EDNRA: variants seen among roughly 807,000 people sequenced by gnomAD.
EDNRA encodes the protein endothelin receptor type A, also known as endothelin-1 receptor.
In EDNRA, 11 loss-of-function variants were observed where a neutral mutation model predicts 41.4. That is an observed-to-expected ratio of 0.27 (90% CI 0.17 to 0.44). The LOEUF (loss-of-function observed/expected upper bound fraction) is 0.44, where lower values mean the gene tolerates loss of function less well. EDNRA is among the 20% of genes least tolerant of loss of function. The pLI is 1.00. For missense variants in EDNRA, 294 were observed against 531.0 expected (o/e 0.55, Z 4.39); for synonymous variants, 172 against 183.0 (o/e 0.94, Z 0.49).
chr4:147,532,041 A>G (rs1730760473), intron 3 of EDNRA, among the ~76,000 whole-genome samples: 2 of 135,504 alleles, frequency 1.5e-5, no homozygotes, highest in Non-Finnish European at 3.2e-5. Context: ...GGCCAGGTGC[A>G]GTGGCTCACT....
intron 2 of EDNRA, among the ~76,000 whole-genome samples, chr4:147,508,390 C>T (rs1048839702): frequency 4.6e-5 from 7 of 152,170 alleles, no homozygotes; most frequent in Admixed American, 3.3e-4. Context: ...CCACCCACTT[C>T]GGCCTCCCAA....
intron 2 of EDNRA, chr4:147,494,000 ACT>A (rs1400980468): frequency 1.3e-5 from 2 of 152,100 alleles, no homozygotes; most frequent in African/African-American, 4.8e-5. Context: ...TTTTATTGAC[ACT>A]CTAACTTTTA....
chr4:147,522,921 C>T (rs573124145), intron 3 of EDNRA, among the ~76,000 whole-genome samples: 90 of 152,252 alleles, frequency 5.9e-4, no homozygotes, highest in Non-Finnish European at 7.3e-4. Flanking sequence ...AATCCATACA[C>T]GTAAGGTTTA....
chr4:147,518,574 C>A (rs191526960), intron 2 of EDNRA, among the ~76,000 whole-genome samples: 1 of 152,038 alleles, frequency 6.6e-6, no homozygotes, highest in Non-Finnish European at 1.5e-5. Context: ...GAGAGACTGC[C>A]CTGTGTAACC....
At chr4:147,534,666 T>A (rs1433662671) in intron 4 of EDNRA, among the ~76,000 whole-genome samples, 1 of 152,210 alleles carries the variant, frequency 6.6e-6, no homozygotes, top group Non-Finnish European at 1.5e-5. Flanking sequence ...TCGGTAGTTA[T>A]TAGAACCATC....
intron 2 of EDNRA, among the ~76,000 whole-genome samples, chr4:147,507,282 C>A (rs1729751794): frequency 6.6e-6 from 1 of 151,616 alleles, no homozygotes; most frequent in Non-Finnish European, 1.5e-5. Context: ...ACCCTGAAGA[C>A]AACTCAGATG....
intron 7 of EDNRA, 35 bp from the exon 8 acceptor site, chr4:147,542,443 G>A: frequency 6.2e-7 from 1 of 1,613,294 alleles, no homozygotes; most frequent in South Asian, 1.1e-5. Context: ...TGGGCTGGTA[G>A]GCTCGCCTTA....
At chr4:147,483,286 C>A (rs1728835406) in intron 1 of EDNRA, among the ~76,000 whole-genome samples, 1 of 152,174 alleles carries the variant, frequency 6.6e-6, no homozygotes, top group African/African-American at 2.4e-5. Context: ...CCCATTTAAT[C>A]AGAGTGAGTC....
chr4:147,514,720 C>T (rs1157691999), intron 2 of EDNRA, among the ~76,000 whole-genome samples: 1 of 152,142 alleles, frequency 6.6e-6, no homozygotes, highest in Non-Finnish European at 1.5e-5. Context: ...GTGATCAATC[C>T]ACCTCACCCT....
At chr4:147,507,067 G>T (rs1481740799) in intron 2 of EDNRA, among the ~76,000 whole-genome samples, 1 of 152,104 alleles carries the variant, frequency 6.6e-6, no homozygotes, top group East Asian at 1.9e-4. Context: ...TTAGGAAATG[G>T]TTTTTAAATG....
At position 147,543,985 on chromosome 4, in the gene EDNRA, T is replaced by C. The variant is rs954118546; in HGVS notation, c.*1367T>C. 1 of 152,200 alleles carries C rather than the reference T, an allele frequency of 6.6e-6. No homozygotes were observed. Among genetic ancestry groups the C allele is most frequent in the Admixed American group, 6.6e-5 (1 of 15,216 alleles). 9.4% of individuals were successfully genotyped at this position (152,200 alleles called of 1,614,324 possible). ...AGTACAGCAGAAAATCTTTTACTAG[T>C]GTGTGTGTGTATATATATAAACAAT... On this transcript the variant is annotated 3_prime_UTR_variant, in exon 8 of 8. Coordinates refer to ENST00000651419, the MANE Select transcript of EDNRA (RefSeq NM_001957.4).
chr4:147,505,639 G>A (rs1053945709), intron 2 of EDNRA, among the ~76,000 whole-genome samples: 20 of 141,770 alleles, frequency 1.4e-4, no homozygotes, highest in Non-Finnish European at 2.6e-4. Flanking sequence ...ACCCTGCCCC[G>A]CCGGCAGTTT....
In EDNRA at chr4:147,482,758, C is replaced by T. The variant is rs529476141; in HGVS notation, c.-71+1382C>T. On this transcript the variant is annotated intron_variant, in intron 1 of 7. Coordinates refer to ENST00000651419, the MANE Select transcript of EDNRA (RefSeq NM_001957.4). ...ATAGCTGGCTCTCATGCCTTAAGAACCCACAGCGTTGGCCTTACCTCCTGG... is the reference window on the plus strand; with the variant it reads ...ATAGCTGGCTCTCATGCCTTAAGAATCCACAGCGTTGGCCTTACCTCCTGG... Among the ~76,000 whole-genome samples the T allele has an allele frequency of 6.2e-4, 94 of 152,186 alleles. No individual in the cohort carries two copies. In the Middle Eastern group the frequency reaches 0.014, roughly 22 times the overall value.
intron 2 of EDNRA, among the ~76,000 whole-genome samples, chr4:147,515,530 A>G (rs1173523666): frequency 1.3e-5 from 2 of 152,114 alleles, no homozygotes; most frequent in Non-Finnish European, 2.9e-5. Flanking sequence ...ACAGCTCTGG[A>G]TGTGCAATGG....
chr4:147,497,001 CATAG>C (rs1273305426), intron 2 of EDNRA, among the ~76,000 whole-genome samples: 38 of 151,978 alleles, frequency 2.5e-4, no homozygotes, highest in Non-Finnish European at 1.8e-4. Flanking sequence ...TATGTATCAA[CATAG>C]ATAGCTGCAT....
intron 2 of EDNRA, among the ~76,000 whole-genome samples, chr4:147,505,326 C>CTTTTTTTTTTTTTTTTTTTTTT (rs1729660192): frequency 1.2e-4 from 10 of 81,992 alleles, no homozygotes; most frequent in African/African-American, 4.9e-4. Flanking sequence ...TTTCTTTTTT[C>CTTTTTTTTTTTTTTTTTTTTTT]ATTTTTTTTT....
chr4:147,507,520 G>A (rs1438044382), intron 2 of EDNRA, among the ~76,000 whole-genome samples: 1 of 152,178 alleles, frequency 6.6e-6, no homozygotes, highest in East Asian at 1.9e-4. Flanking sequence ...ATTAATGGTT[G>A]CCAGGGGTTG....
intron 4 of EDNRA, among the ~76,000 whole-genome samples, chr4:147,534,520 C>T (rs182300676): frequency 5.2e-4 from 79 of 152,102 alleles, no homozygotes; most frequent in African/African-American, 1.9e-3. Context: ...ATGAATGTAC[C>T]CAACAAATCA....
At chr4:147,508,686 T>C (rs533639908) in intron 2 of EDNRA, among the ~76,000 whole-genome samples, 61 of 152,320 alleles carry the variant, frequency 4.0e-4, no homozygotes, top group African/African-American at 1.3e-3. Context: ...GGATACTCAG[T>C]TTTTCAACAC....
Sources: allele counts gnomAD v4.1 joint callset (sites outside exome capture counted in the v4.1 genomes callset), GRCh38; gene constraint gnomAD v4.1.1; transcripts MANE v1.5; gene names NCBI Gene and HGNC (gene_info 2026-07-23, HGNC 2026-07-21).